TNS3: variants seen among roughly 807,000 people sequenced by gnomAD.
TNS3 encodes tensin-3.
In TNS3, 45 loss-of-function variants were observed where a neutral mutation model predicts 140.9. The ratio of observed to expected loss-of-function variants is 0.32; its 90% CI spans 0.25 to 0.41. The LOEUF (loss-of-function observed/expected upper bound fraction) is 0.41. Ranked by LOEUF, TNS3 falls within the 10% of genes least tolerant of loss-of-function variation. The pLI is 1.00. For missense variants in TNS3, 1,716 were observed against 1,906.7 expected (o/e 0.90, Z 1.86); for synonymous variants, 815 against 788.4 (o/e 1.03, Z -0.56).
rs1334700008 is a variant in TNS3, at chr7:47,424,173, G to T, written c.401C>A (p.Ala134Asp). The change falls in exon 10 of 31, where the codon GCC (alanine) becomes GAC (aspartate). Residue 134 changes from alanine to aspartate, a missense_variant. Ala to Asp is a moderately radical substitution (Grantham distance 126). This residue lies in a region of TNS3 where 337 missense variants were observed against 428.9 expected (regional missense o/e 0.79). Transcript: ENST00000311160. ...FTNVSASADQ[A>D]LDRFAMKKFY... ...CTTCTTCATTGCAAACCTGTCAAGG[G>T]CCTGGTCGGCGCTGAAGGGGAGAGA... The T allele has an allele frequency of 6.2e-7, 1 of 1,614,148 alleles. No individual in the cohort carries two copies. The highest frequency in any genetic ancestry group is 8.5e-7 in the Non-Finnish European group (1 of 1,180,018).
intron 20 of TNS3, among the ~76,000 whole-genome samples, chr7:47,310,816 A>C (rs1166043652): frequency 6.6e-6 from 1 of 152,186 alleles, no homozygotes; most frequent in African/African-American, 2.4e-5. Context: ...GAGAACATGC[A>C]GTGTTTGGTT....
chr7:47,456,032 G>A (rs764663590), intron 4 of TNS3, among the ~76,000 whole-genome samples: 3 of 152,224 alleles, frequency 2.0e-5, no homozygotes, highest in Non-Finnish European at 4.4e-5. Context: ...AATCCATGAC[G>A]ATGAAAGGTG....
chr7:47,425,006 T>C (rs1233335791), intron 9 of TNS3, among the ~76,000 whole-genome samples: 1 of 152,120 alleles, frequency 6.6e-6, no homozygotes, highest in Admixed American at 6.5e-5. Context: ...TCCAACTCAT[T>C]TGGGCCAAAT....
intron 1 of TNS3, among the ~76,000 whole-genome samples, chr7:47,538,716 C>G (rs1799692536): frequency 6.6e-6 from 1 of 152,226 alleles, no homozygotes; most frequent in African/African-American, 2.4e-5. Flanking sequence ...CCTCCTAGAA[C>G]ACACCATTCT....
At chr7:47,403,348 T>C (rs1431991520) in intron 13 of TNS3, 1 of 152,158 alleles carries the variant, frequency 6.6e-6, no homozygotes, top group East Asian at 1.9e-4. Context: ...CCCAAACAGG[T>C]TCCTCTCCAG....
At chr7:47,364,152 T>A (rs1361748635) in intron 17 of TNS3, among the ~76,000 whole-genome samples, 1 of 152,148 alleles carries the variant, frequency 6.6e-6, no homozygotes, top group Non-Finnish European at 1.5e-5. Flanking sequence ...TTGAGAAATG[T>A]CAATACTGAA....
intron 10 of TNS3, among the ~76,000 whole-genome samples, chr7:47,420,836 A>C (rs1794337676): frequency 6.6e-6 from 1 of 152,218 alleles, no homozygotes. Flanking sequence ...GCAAGAATTG[A>C]GGTTCCTGCA....
intron 1 of TNS3, among the ~76,000 whole-genome samples, chr7:47,546,381 G>A (rs1400295393): frequency 6.6e-6 from 1 of 152,080 alleles, no homozygotes; most frequent in Admixed American, 6.5e-5. Context: ...CCCAGGACCT[G>A]CCGTCACCGC....
In TNS3 at chr7:47,582,075, G is replaced by C. The variant is rs1470745722; in HGVS notation, c.-289C>G. On this transcript the variant is annotated 5_prime_UTR_variant, in exon 1 of 31. Transcript: ENST00000311160. ...CCTGGGGGAGCCTGAGGCGCGGTCC[G>C]GCAGGGCGATGGCCGCAACGAGGCT... The C allele has an allele frequency of 1.3e-5, 2 of 152,048 alleles. No individual in the cohort carries two copies. The highest frequency in any genetic ancestry group is 2.1e-4 in the South Asian group (1 of 4,838). 9.4% of individuals were successfully genotyped at this position (152,048 alleles called of 1,614,324 possible). A position where few individuals can be genotyped will look rare whatever the true frequency, so the allele number is the denominator to read the frequency against.
intron 20 of TNS3, among the ~76,000 whole-genome samples, chr7:47,312,532 G>A (rs1354841161): frequency 3.3e-5 from 5 of 151,786 alleles, no homozygotes; most frequent in Admixed American, 3.3e-4. Flanking sequence ...GTGAAACCCC[G>A]TCTCTTCTAA....
In TNS3 at chr7:47,450,496, C is replaced by T. The variant is rs140368134; in HGVS notation, c.-75-8441G>A. On this transcript the variant is annotated intron_variant, in intron 4 of 30. Coordinates refer to ENST00000311160, the MANE Select transcript of TNS3 (RefSeq NM_022748.12). ...CCTGTGCCTACTCAAGTACTGAAAA[C>T]GGTAATACACATTTTTTAAGTGTTT... 9.1e-4 allele frequency among the ~76,000 whole-genome samples: 139 copies of T among 152,360 alleles called. 1 individual carries two copies. The highest frequency in any genetic ancestry group is 3.1e-3 in the African/African-American group (129 of 41,590).
chr7:47,575,246 G>A (rs1347996063), intron 1 of TNS3, among the ~76,000 whole-genome samples: 5 of 152,176 alleles, frequency 3.3e-5, no homozygotes, highest in Admixed American at 3.3e-4. Context: ...TATTTATGCA[G>A]AGCTATTTCT....
intron 20 of TNS3, among the ~76,000 whole-genome samples, chr7:47,305,980 C>T (rs1386738029): frequency 1.3e-5 from 2 of 152,032 alleles, no homozygotes; most frequent in Non-Finnish European, 2.9e-5. Context: ...CCAAATAATG[C>T]TGTTTTCCCT....
intron 16 of TNS3, among the ~76,000 whole-genome samples, chr7:47,387,962 A>G (rs1035406686): frequency 1.3e-5 from 2 of 152,224 alleles, no homozygotes; most frequent in Non-Finnish European, 2.9e-5. Flanking sequence ...CCGACTTGGC[A>G]CAAGTGCAAT....
chr7:47,322,230 A>AG (rs1204617047), intron 20 of TNS3, among the ~76,000 whole-genome samples: 2 of 151,336 alleles, frequency 1.3e-5, no homozygotes, highest in East Asian at 3.9e-4. Flanking sequence ...AAAAAAAAAA[A>AG]AAAAAAGCAA....
At chr7:47,456,924 G>A (rs947158240) in intron 4 of TNS3, among the ~76,000 whole-genome samples, 7 of 151,716 alleles carry the variant, frequency 4.6e-5, no homozygotes, top group Non-Finnish European at 8.8e-5. Flanking sequence ...ATTAGTGAAT[G>A]ACATTAACGA....
At chr7:47,563,506 G>A (rs1442739097) in intron 1 of TNS3, among the ~76,000 whole-genome samples, 1 of 152,160 alleles carries the variant, frequency 6.6e-6, no homozygotes, top group Non-Finnish European at 1.5e-5. Flanking sequence ...CTGAAGCCAG[G>A]ATGCTCATTC....
At chr7:47,323,224 G>GTGTCATATAAAATGACAGCT (rs1208385354) in intron 20 of TNS3, among the ~76,000 whole-genome samples, 2 of 152,150 alleles carry the variant, frequency 1.3e-5, no homozygotes, top group East Asian at 3.8e-4. Flanking sequence ...CCCTATCTTA[G>GTGTCATATAAAATGACAGCT]TGTCATATAA....
At chr7:47,420,508 G>A (rs951422993) in intron 10 of TNS3, among the ~76,000 whole-genome samples, 13 of 152,270 alleles carry the variant, frequency 8.5e-5, no homozygotes, top group African/African-American at 2.9e-4. Context: ...ATAGGCATGC[G>A]TACAACTTCC....
Sources: gnomAD v4.1 joint callset for allele counts (sites outside exome capture counted in the v4.1 genomes callset) on GRCh38, gnomAD v4.1.1 for gene constraint, gnomAD v4.1.1 regional missense constraint, MANE v1.5 for transcripts, NCBI Gene and HGNC (gene_info 2026-07-23, HGNC 2026-07-21) for gene names.